CTNNA3: variants seen among roughly 807,000 people sequenced by gnomAD.
CTNNA3 encodes the protein catenin alpha 3.
A neutral mutation model predicts 95.7 loss-of-function variants in CTNNA3; 76 were observed. The ratio of observed to expected loss-of-function variants is 0.79; its 90% CI spans 0.66 to 0.96. The LOEUF is 0.96. Among genes scored for constraint, CTNNA3 ranks in the 40% least tolerant of loss-of-function variants. CTNNA3 has a pLI of 0.00. For missense variants in CTNNA3, 1,191 were observed against 1,089.8 expected, an observed-to-expected ratio of 1.09 and a Z score of -1.31; for synonymous variants, 431 against 374.4, an observed-to-expected ratio of 1.15 and a Z score of -1.74.
At chr10:66,188,584 A>C (rs200710167) in intron 13 of CTNNA3, among the ~76,000 whole-genome samples, 1 of 60,238 alleles carries the variant, frequency 1.7e-5, no homozygotes, top group Admixed American at 1.5e-4. Flanking sequence ...GTGTGGGGGG[A>C]GGGGGGGTCT....
chr10:66,329,173 A>G (rs928584729), intron 12 of CTNNA3, among the ~76,000 whole-genome samples: 1 of 151,322 alleles, frequency 6.6e-6, no homozygotes, highest in Non-Finnish European at 1.5e-5. Flanking sequence ...CTGGTATCGA[A>G]CCCCTGACCT....
At chr10:66,706,660 T>C (rs1848128429) in intron 9 of CTNNA3, among the ~76,000 whole-genome samples, 1 of 152,030 alleles carries the variant, frequency 6.6e-6, no homozygotes, top group South Asian at 2.1e-4. Context: ...ATTGTCTTCC[T>C]GATAACACTG....
chr10:66,560,457 G>C (rs746038307), intron 10 of CTNNA3, among the ~76,000 whole-genome samples: 2 of 151,904 alleles, frequency 1.3e-5, no homozygotes, highest in Non-Finnish European at 2.9e-5. Context: ...ATTTGTCTCT[G>C]TATCTTGCAA....
intron 9 of CTNNA3, among the ~76,000 whole-genome samples, chr10:66,737,184 AT>A (rs1209849923): frequency 6.6e-6 from 1 of 152,066 alleles, no homozygotes; most frequent in Non-Finnish European, 1.5e-5. Context: ...GTGTAAAATA[AT>A]TTTTTATTTC....
chr10:67,268,308 A>ATAAATTAAAT (rs200272425), intron 5 of CTNNA3, among the ~76,000 whole-genome samples: 3,800 of 126,896 alleles, frequency 0.03, 55 homozygotes, highest in Non-Finnish European at 0.036. Flanking sequence ...CTCTACAAAA[A>ATAAATTAAAT]TAAATTAAAT....
At chr10:66,136,329 G>A (rs2083344509) in intron 13 of CTNNA3, among the ~76,000 whole-genome samples, 1 of 152,156 alleles carries the variant, frequency 6.6e-6, no homozygotes, top group Admixed American at 6.5e-5. Context: ...GTTGTTAAGT[G>A]ATGAATAAGT....
chr10:67,049,044 T>G (rs1854927733), intron 7 of CTNNA3, among the ~76,000 whole-genome samples: 1 of 111,010 alleles, frequency 9.0e-6, no homozygotes, highest in African/African-American at 3.4e-5. Flanking sequence ...TTTTTTTTTT[T>G]GTACTCTTCT....
chr10:66,523,865 A>G (rs535391636), intron 10 of CTNNA3, among the ~76,000 whole-genome samples: 1 of 152,266 alleles, frequency 6.6e-6, no homozygotes, highest in East Asian at 1.9e-4. Flanking sequence ...ACTTGCTGAT[A>G]ACCTTTGATA....
intron 15 of CTNNA3, among the ~76,000 whole-genome samples, chr10:66,024,228 T>A (rs2079290568): frequency 6.6e-6 from 1 of 151,912 alleles, no homozygotes. Context: ...TAGCTGGGAC[T>A]ACAGGCGACC....
intron 4 of CTNNA3, among the ~76,000 whole-genome samples, chr10:67,523,652 T>C (rs949218336): frequency 7.2e-5 from 11 of 151,970 alleles, no homozygotes; most frequent in Non-Finnish European, 1.5e-4. Flanking sequence ...ACAATTTGAG[T>C]TGGGCCCCAA....
intron 13 of CTNNA3, among the ~76,000 whole-genome samples, chr10:66,236,084 C>A (rs2089840837): frequency 6.6e-6 from 1 of 152,032 alleles, no homozygotes; most frequent in South Asian, 2.1e-4. Flanking sequence ...GAGAAGAAGA[C>A]AAAGATGTGT....
In CTNNA3 at chr10:66,389,937, C is replaced by T. The variant is rs190944842; in HGVS notation, c.1532-10585G>A. 2.4e-4 allele frequency among the ~76,000 whole-genome samples: 36 copies of T among 152,154 alleles called. No individual in the cohort carries two copies. The East Asian group carries it at 6.4e-3, about 27-fold the overall frequency. On this transcript the variant is annotated intron_variant, in intron 11 of 17. Transcript: ENST00000433211. Reference sequence around the variant, plus strand: ...TTTTTATAGAGACAGGGTCTTGCTACGTTGCTCAGGCTGATATCGACCTCC... The same window carrying T: ...TTTTTATAGAGACAGGGTCTTGCTATGTTGCTCAGGCTGATATCGACCTCC...
Position 66,633,511 on chromosome 10 carries a change from T to C in CTNNA3, c.1282-11727A>G, listed in dbSNP as rs988434392. 6.6e-5 allele frequency among the ~76,000 whole-genome samples: 10 copies of C among 152,092 alleles called. No homozygotes were observed. The East Asian group carries it at 7.8e-4, about 12-fold the overall frequency. On this transcript the variant is annotated intron_variant, in intron 9 of 17. Coordinates refer to ENST00000433211, the MANE Select transcript of CTNNA3 (RefSeq NM_013266.4). ...CTGGCTAACATGGTGAAACCCCGTCTCTACTAAAAATACAAAAAATTAGCC... is the reference window on the plus strand; with the variant it reads ...CTGGCTAACATGGTGAAACCCCGTCCCTACTAAAAATACAAAAAATTAGCC...
At chr10:66,577,048 C>T (rs1843027665) in intron 10 of CTNNA3, among the ~76,000 whole-genome samples, 1 of 134,448 alleles carries the variant, frequency 7.4e-6, no homozygotes, top group African/African-American at 2.6e-5. Flanking sequence ...GATAGTATCT[C>T]ATAGTTTGAA....
chr10:67,757,606 G>A (rs189008237), intron 1 of CTNNA3, among the ~76,000 whole-genome samples: 16 of 152,226 alleles, frequency 1.1e-4, no homozygotes, highest in African/African-American at 3.6e-4. Context: ...TCCTGCCCTC[G>A]AACATCAGAC....
At chr10:67,319,686 A>G (rs1173165422) in intron 5 of CTNNA3, among the ~76,000 whole-genome samples, 1 of 152,070 alleles carries the variant, frequency 6.6e-6, no homozygotes, top group Non-Finnish European at 1.5e-5. Flanking sequence ...ACTTGAGGTC[A>G]GGAGTTTAAG....
chr10:67,292,101 A>G (rs1344070865), intron 5 of CTNNA3, among the ~76,000 whole-genome samples: 1 of 152,154 alleles, frequency 6.6e-6, no homozygotes, highest in Non-Finnish European at 1.5e-5. Flanking sequence ...CCTTCCGGGT[A>G]TGGGGCAGGA....
At chr10:66,238,774 C>T (rs2089981694) in intron 13 of CTNNA3, among the ~76,000 whole-genome samples, 1 of 151,696 alleles carries the variant, frequency 6.6e-6, no homozygotes, top group Admixed American at 6.6e-5. Flanking sequence ...TGATTTTATT[C>T]TTACATTTTT....
chr10:66,288,662 T>C (rs1445346641), intron 12 of CTNNA3, among the ~76,000 whole-genome samples: 1 of 151,896 alleles, frequency 6.6e-6, no homozygotes, highest in Non-Finnish European at 1.5e-5. Context: ...TATAGCTCAG[T>C]TCTATCATCA....
Sources: allele counts gnomAD v4.1 joint callset (sites outside exome capture counted in the v4.1 genomes callset), GRCh38; gene constraint gnomAD v4.1.1; transcripts MANE v1.5; gene names NCBI Gene and HGNC (gene_info 2026-07-23, HGNC 2026-07-21).